The following WWOX variants were observed in gnomAD, a reference collection of about 807,000 sequenced individuals.
WWOX encodes the protein WW domain-containing oxidoreductase.
A neutral mutation model predicts 46.2 loss-of-function variants in WWOX; 69 were observed. That is an observed-to-expected ratio of 1.49 (90% CI 1.23 to 1.82). The LOEUF (loss-of-function observed/expected upper bound fraction) is 1.82. Ranked by LOEUF, WWOX falls within the 40% of genes most tolerant of loss-of-function variation. The probability of loss-of-function intolerance (pLI) is 0.00; values close to 1 mark genes in which losing one functional copy is unlikely to be tolerated. For missense variants in WWOX, 919 were observed against 542.6 expected (o/e 1.69, Z -6.89); for synonymous variants, 359 against 202.6 (o/e 1.77, Z -6.56).
chr16:78,982,903 G>A (rs2046710855), intron 8 of WWOX, among the ~76,000 whole-genome samples: 1 of 152,118 alleles, frequency 6.6e-6, no homozygotes, highest in African/African-American at 2.4e-5. Flanking sequence ...GTGATGTTGT[G>A]AACAGTGCCT....
intron 8 of WWOX, among the ~76,000 whole-genome samples, chr16:78,581,443 A>G (rs1478873742): frequency 6.6e-6 from 1 of 152,178 alleles, no homozygotes; most frequent in East Asian, 1.9e-4. Context: ...ATTTTAATTG[A>G]GTTTTAAAGC....
At chr16:78,909,263 C>G (rs760795094) in intron 8 of WWOX, among the ~76,000 whole-genome samples, 50 of 152,092 alleles carry the variant, frequency 3.3e-4, no homozygotes, top group Non-Finnish European at 5.7e-4. Flanking sequence ...TTTGTACAGT[C>G]AACATTAAGA....
chr16:79,027,172 C>G lies in WWOX; in HGVS notation c.1057-184436C>G, dbSNP rs144784130. 2.1e-4 allele frequency among the ~76,000 whole-genome samples: 31 copies of G among 150,102 alleles called. No homozygotes were observed. The East Asian group carries it at 5.2e-3, about 25-fold the overall frequency. On this transcript the variant is annotated intron_variant, in intron 8 of 8. Coordinates refer to ENST00000566780, the MANE Select transcript of WWOX (RefSeq NM_016373.4). ...GTACATGCCTGTAGTCCCAGCTACT[C>G]AGGAGGCTGAAGTGGGATAATCAGC...
intron 8 of WWOX, among the ~76,000 whole-genome samples, chr16:78,485,968 G>T (rs1454097407): frequency 1.3e-5 from 2 of 152,210 alleles, no homozygotes; most frequent in African/African-American, 4.8e-5. Flanking sequence ...TTTATTAAAT[G>T]ACTCTGTTAC....
intron 8 of WWOX, among the ~76,000 whole-genome samples, chr16:78,799,374 C>T (rs2050826561): frequency 6.6e-6 from 1 of 152,216 alleles, no homozygotes; most frequent in African/African-American, 2.4e-5. Flanking sequence ...TTAGCAAACA[C>T]ATGCTCACAC....
chr16:78,849,587 A>AAG (rs1555549763), intron 8 of WWOX, among the ~76,000 whole-genome samples: 111 of 151,098 alleles, frequency 7.3e-4, no homozygotes, highest in Middle Eastern at 3.4e-3. Context: ...AAAAAAAAAA[A>AAG]AAAAAGAAAA....
intron 8 of WWOX, among the ~76,000 whole-genome samples, chr16:78,917,966 T>C (rs1303031230): frequency 2.0e-5 from 3 of 152,006 alleles, no homozygotes; most frequent in African/African-American, 7.2e-5. Flanking sequence ...CTTTGGGAAG[T>C]TGAGGCAGGA....
intron 8 of WWOX, among the ~76,000 whole-genome samples, chr16:79,031,841 CTTA>C (rs1480083908): frequency 4.8e-5 from 6 of 124,666 alleles, no homozygotes; most frequent in South Asian, 2.4e-4. Flanking sequence ...ATATATATAT[CTTA>C]TTATATATTA....
chr16:79,041,579 G>A (rs2047972340), intron 8 of WWOX, among the ~76,000 whole-genome samples: 1 of 152,088 alleles, frequency 6.6e-6, no homozygotes, highest in African/African-American at 2.4e-5. Flanking sequence ...GGGTGAATAA[G>A]TCTGGTTGGC....
intron 8 of WWOX, among the ~76,000 whole-genome samples, chr16:78,861,412 A>G (rs1206462239): frequency 6.6e-6 from 1 of 152,248 alleles, no homozygotes; most frequent in Admixed American, 6.5e-5. Flanking sequence ...GACAGAGAGT[A>G]TAATTAAATC....
At chr16:79,177,373 C>T (rs1420883962) in intron 8 of WWOX, among the ~76,000 whole-genome samples, 1 of 103,888 alleles carries the variant, frequency 9.6e-6, no homozygotes, top group Non-Finnish European at 1.9e-5. Context: ...CCCTTTTTTC[C>T]ACTCTCCCTC....
At chr16:78,672,357 A>G (rs1193616023) in intron 8 of WWOX, among the ~76,000 whole-genome samples, 1 of 152,222 alleles carries the variant, frequency 6.6e-6, no homozygotes, top group East Asian at 1.9e-4. Context: ...TGCACTCTAT[A>G]GCCAAGTGCG....
intron 6 of WWOX, among the ~76,000 whole-genome samples, chr16:78,424,185 T>A (rs1277387192): frequency 6.7e-6 from 1 of 148,772 alleles, no homozygotes; most frequent in Non-Finnish European, 1.5e-5. Context: ...TGGCATGATC[T>A]TAGCTCACTG....
chr16:78,616,487 A>C (rs3866637), intron 8 of WWOX, among the ~76,000 whole-genome samples: 37,152 of 150,346 alleles, frequency 0.25, 5,801 homozygotes, highest in African/African-American at 0.44. Flanking sequence ...AATGGCCAGG[A>C]GTGGTGGCTC....
Position 78,510,064 on chromosome 16 carries a change from A to AGTCT in WWOX, c.1056+77345_1056+77348dup, listed in dbSNP as rs59985442. Among the ~76,000 whole-genome samples the AGTCT allele has an allele frequency of 2.1e-3, 311 of 150,378 alleles. 9 individuals are homozygous for AGTCT. The South Asian group carries it at 0.047, about 23-fold the overall frequency. On this transcript the variant is annotated intron_variant, in intron 8 of 8. Transcript: ENST00000566780. ...GCAACAAAGAGAGATCCTGTCTCCA[A>AGTCT]GTCTGTCTGTCTGTCTGTCTGTCTG...
chr16:78,757,630 A>G (rs1490860746), intron 8 of WWOX, among the ~76,000 whole-genome samples: 1 of 152,120 alleles, frequency 6.6e-6, no homozygotes, highest in East Asian at 1.9e-4. Flanking sequence ...ATTTATTTAT[A>G]TGAATGAATA....
chr16:78,534,863 G>A (rs1022525693), intron 8 of WWOX, among the ~76,000 whole-genome samples: 9 of 151,900 alleles, frequency 5.9e-5, no homozygotes, highest in Admixed American at 1.3e-4. Flanking sequence ...ACAGGTGCGC[G>A]CTATCATGCC....
At chr16:79,020,046 C>T (rs2047500042) in intron 8 of WWOX, among the ~76,000 whole-genome samples, 1 of 152,204 alleles carries the variant, frequency 6.6e-6, no homozygotes, top group Non-Finnish European at 1.5e-5. Flanking sequence ...GTGGCAATAA[C>T]TTCTGCCTTT....
intron 8 of WWOX, among the ~76,000 whole-genome samples, chr16:78,864,907 C>T (rs1045167547): frequency 5.3e-5 from 8 of 151,652 alleles, no homozygotes; most frequent in Non-Finnish European, 1.2e-4. Context: ...GGACCACAGG[C>T]GTGCACCACC....
Sources: gnomAD v4.1 joint callset for allele counts (sites outside exome capture counted in the v4.1 genomes callset) on GRCh38, gnomAD v4.1.1 for gene constraint, MANE v1.5 for transcripts, NCBI Gene and HGNC (gene_info 2026-07-23, HGNC 2026-07-21) for gene names.